The following BBS9 variants were observed in gnomAD, a reference collection of about 807,000 sequenced individuals.
BBS9 encodes protein PTHB1.
Under a neutral mutation model 117.7 loss-of-function variants are expected in BBS9, and 89 were observed. The ratio of observed to expected loss-of-function variants is 0.76; its 90% CI spans 0.64 to 0.90. The LOEUF (loss-of-function observed/expected upper bound fraction) is 0.90. BBS9 is among the 40% of genes least tolerant of loss of function. BBS9 has a pLI of 0.00. For missense variants in BBS9, 982 were observed against 1,042.2 expected, an observed-to-expected ratio of 0.94 and a Z score of 0.80; for synonymous variants, 379 against 370.9, an observed-to-expected ratio of 1.02 and a Z score of -0.25.
chr7:33,457,603 A>G (rs1344462069), intron 19 of BBS9, among the ~76,000 whole-genome samples: 1 of 152,164 alleles, frequency 6.6e-6, no homozygotes, highest in African/African-American at 2.4e-5. Flanking sequence ...ATTTACACTA[A>G]AATACTTCAC....
At chr7:33,623,266 A>G (rs573379497) in intron 21 of BBS9, among the ~76,000 whole-genome samples, 9 of 152,130 alleles carry the variant, frequency 5.9e-5, no homozygotes, top group Non-Finnish European at 1.2e-4. Flanking sequence ...ATAAACAATT[A>G]ATATGCTAAA....
In BBS9 at chr7:33,431,439, A is replaced by G. The variant is rs180753526; in HGVS notation, c.2115+43295A>G. ...TGCCCTTCCCACCAACCCCAAATTC[A>G]TATATTGAAACTTAATGACCGATGT... On this transcript the variant is annotated intron_variant, in intron 19 of 22. Coordinates refer to ENST00000242067, the MANE Select transcript of BBS9 (RefSeq NM_198428.3). Among the ~76,000 whole-genome samples, 48 of 152,278 alleles carry G rather than the reference A, an allele frequency of 3.2e-4. 1 individual carries two copies. Among genetic ancestry groups the G allele is most frequent in the South Asian group, 1.2e-3 (6 of 4,828 alleles).
chr7:33,488,629 C>T (rs549193129), intron 19 of BBS9, among the ~76,000 whole-genome samples: 6 of 152,262 alleles, frequency 3.9e-5, no homozygotes, highest in African/African-American at 1.4e-4. Flanking sequence ...CAGTTGAATT[C>T]AGATGAGTAT....
intron 2 of BBS9, among the ~76,000 whole-genome samples, chr7:33,148,157 G>A (rs1452453558): frequency 6.6e-6 from 1 of 152,162 alleles, no homozygotes; most frequent in African/African-American, 2.4e-5. Context: ...TTTTGGATAT[G>A]CTCTGTTTAA....
At chr7:33,507,760 G>A (rs1274934888) in intron 20 of BBS9, among the ~76,000 whole-genome samples, 1 of 152,202 alleles carries the variant, frequency 6.6e-6, no homozygotes, top group African/African-American at 2.4e-5. Context: ...GCATGAGGAA[G>A]CGGGTCAGGG....
chr7:33,390,242 A>G (rs1826826060), intron 19 of BBS9: 1 of 985,308 alleles, frequency 1.0e-6, no homozygotes, highest in Non-Finnish European at 1.2e-6. Context: ...TGTAGACACA[A>G]TGGTGGAAGG....
At chr7:33,554,703 A>G (rs1458105134) in intron 21 of BBS9, among the ~76,000 whole-genome samples, 1 of 152,176 alleles carries the variant, frequency 6.6e-6, no homozygotes, top group Non-Finnish European at 1.5e-5. Context: ...TCCGGAGCTC[A>G]GGGGAAAAGC....
At chr7:33,478,992 G>A (rs1842169848) in intron 19 of BBS9, among the ~76,000 whole-genome samples, 1 of 150,902 alleles carries the variant, frequency 6.6e-6, no homozygotes, top group African/African-American at 2.4e-5. Flanking sequence ...TGTCATTCCT[G>A]AAATAAAAAT....
rs142011801 is a variant in BBS9, at chr7:33,390,515, A to G, written c.2115+2371A>G. 6.8e-5 allele frequency: 66 copies of G among 968,366 alleles called. 1 individual carries two copies. In the East Asian group the frequency reaches 7.4e-3, roughly 109 times the overall value. 60.0% of individuals were successfully genotyped at this position (968,366 alleles called of 1,614,324 possible). ...AAACATTTGAAGGAAAAATATGAGTACTATAAGGATTTTGACTTAATTTTT... is the reference window on the plus strand; with the variant it reads ...AAACATTTGAAGGAAAAATATGAGTGCTATAAGGATTTTGACTTAATTTTT... On this transcript the variant is annotated intron_variant, in intron 19 of 22. Coordinates refer to ENST00000242067, the MANE Select transcript of BBS9 (RefSeq NM_198428.3).
At chr7:33,203,453 G>A (rs184965150) in intron 5 of BBS9, among the ~76,000 whole-genome samples, 61 of 152,206 alleles carry the variant, frequency 4.0e-4, no homozygotes, top group African/African-American at 1.4e-3. Flanking sequence ...CTAGAACAGT[G>A]GTTCTTACAT....
chr7:33,506,637 A>G lies in BBS9; in HGVS notation c.2298+992A>G, dbSNP rs554322879. Among the ~76,000 whole-genome samples the G allele has an allele frequency of 1.3e-4, 20 of 152,312 alleles. No homozygotes were observed. In the East Asian group the frequency reaches 3.9e-3, roughly 29 times the overall value. On this transcript the variant is annotated intron_variant, in intron 20 of 22. Transcript: ENST00000242067. ...GTCTGCCTATATTTTAGTGAACAGG[A>G]TCATGAATGTAATTTTGAAAACCAC...
Position 33,605,484 on chromosome 7 carries a change from A to T in BBS9, c.*258A>T, listed in dbSNP as rs539817040. ...TGCCTTTGGTCATCCATCTGCTAAT[A>T]GTCACAGAATACAGTGAAATGACAT... On this transcript the variant is annotated 3_prime_UTR_variant, in exon 23 of 23. Coordinates refer to ENST00000242067, the MANE Select transcript of BBS9 (RefSeq NM_198428.3). 2 of 552,224 alleles carry T rather than the reference A, an allele frequency of 3.6e-6. No individual in the cohort carries two copies. The highest frequency in any genetic ancestry group is 3.8e-5 in the African/African-American group (2 of 52,964). The allele number at this position is 552,224 out of a possible 1,614,324, so 34.2% of individuals were successfully genotyped here.
At chr7:33,548,437 G>A (rs576828198) in intron 21 of BBS9, among the ~76,000 whole-genome samples, 15 of 151,092 alleles carry the variant, frequency 9.9e-5, no homozygotes, top group Non-Finnish European at 1.9e-4. Context: ...ATGCTGGTGC[G>A]CTGCACCCAC....
intron 19 of BBS9, among the ~76,000 whole-genome samples, chr7:33,408,915 A>G (rs1226052635): frequency 6.6e-6 from 1 of 152,188 alleles, no homozygotes; most frequent in Non-Finnish European, 1.5e-5. Flanking sequence ...CCAGTGTGAG[A>G]TGGTATCTCA....
At chr7:33,272,127 A>G (rs942672727) in intron 7 of BBS9, among the ~76,000 whole-genome samples, 6 of 152,198 alleles carry the variant, frequency 3.9e-5, no homozygotes, top group African/African-American at 1.4e-4. Context: ...ATCTTTAGCA[A>G]ACTAATGCAG....
intron 9 of BBS9, among the ~76,000 whole-genome samples, chr7:33,295,327 A>G (rs1002608441): frequency 2.0e-5 from 3 of 152,106 alleles, no homozygotes; most frequent in Non-Finnish European, 4.4e-5. Context: ...ATGAGAAATT[A>G]CTGAACAGCA....
chr7:33,603,203 C>T (rs1864066834), intron 21 of BBS9, among the ~76,000 whole-genome samples: 1 of 152,078 alleles, frequency 6.6e-6, no homozygotes, highest in African/African-American at 2.4e-5. Context: ...CATTCCTGGC[C>T]TCCCCCACCT....
chr7:33,177,754 C>A (rs1797539379), intron 5 of BBS9, 163 bp downstream of exon 5: 2 of 643,974 alleles, frequency 3.1e-6, no homozygotes, highest in Non-Finnish European at 5.6e-6. Context: ...ATGGCCATAC[C>A]ACCCTGAATG....
chr7:33,623,263 A>G (rs372238710), intron 21 of BBS9, among the ~76,000 whole-genome samples: 1 of 152,168 alleles, frequency 6.6e-6, no homozygotes, highest in African/African-American at 2.4e-5. Flanking sequence ...AAGATAAACA[A>G]TTAATATGCT....
Sources: gnomAD v4.1 joint callset for allele counts (sites outside exome capture counted in the v4.1 genomes callset) on GRCh38, gnomAD v4.1.1 for gene constraint, MANE v1.5 for transcripts, NCBI Gene and HGNC (gene_info 2026-07-23, HGNC 2026-07-21) for gene names.